NAV3: variants seen among roughly 807,000 people sequenced by gnomAD.
NAV3 encodes the protein pore membrane and/or filament interacting like protein 1.
NAV3 carries 87 observed loss-of-function variants against 244.7 expected under a neutral mutation model. The ratio of observed to expected loss-of-function variants is 0.36; its 90% CI spans 0.30 to 0.42. The LOEUF is 0.42. Ranked by LOEUF, NAV3 falls within the 20% of genes least tolerant of loss-of-function variation. The pLI is 1.00. For synonymous variants in NAV3, 1,126 were observed against 1,042.2 expected, an observed-to-expected ratio of 1.08 and a Z score of -1.55; for missense variants, 2,663 against 2,893.3, an observed-to-expected ratio of 0.92 and a Z score of 1.83.
At chr12:78,123,884 G>GT (rs1467759584) in intron 16 of NAV3, among the ~76,000 whole-genome samples, 13 of 152,048 alleles carry the variant, frequency 8.5e-5, no homozygotes, top group South Asian at 8.3e-4. Context: ...TTTGATTCTA[G>GT]TTTCAGCACT....
chr12:77,719,533 A>T (rs1299501476), intron 2 of NAV3, among the ~76,000 whole-genome samples: 1 of 152,034 alleles, frequency 6.6e-6, no homozygotes, highest in Admixed American at 6.6e-5. Context: ...AATTTTGTCA[A>T]ATGATTTTTC....
At chr12:77,620,596 G>A (rs1199732403) in intron 2 of NAV3, among the ~76,000 whole-genome samples, 1 of 151,926 alleles carries the variant, frequency 6.6e-6, no homozygotes, top group African/African-American at 2.4e-5. Context: ...TGAGTAGCTG[G>A]GATTACAGGA....
At position 78,179,696 on chromosome 12, in the gene NAV3, C is replaced by A; in HGVS notation, c.5517+14C>A. ...AACCGGATGCAGGTTGGTACTGAAG[C>A]ACTTTCAAGGAATAAAATGGAGAAA... is the stretch of plus-strand genomic sequence containing the variant. On this transcript the variant is annotated intron_variant, in intron 29 of 39. Transcript: ENST00000397909. 2.5e-6 allele frequency: 4 copies of A among 1,599,316 alleles called. No individual in the cohort carries two copies. Among genetic ancestry groups the A allele is most frequent in the Non-Finnish European group, 3.4e-6 (4 of 1,172,818 alleles).
At chr12:77,581,246 A>C (rs1869351944) in intron 2 of NAV3, among the ~76,000 whole-genome samples, 1 of 152,168 alleles carries the variant, frequency 6.6e-6, no homozygotes, top group African/African-American at 2.4e-5. Context: ...TAAGTATTTT[A>C]TATATTCAAT....
At chr12:77,579,033 C>T (rs2136668626) in intron 2 of NAV3, among the ~76,000 whole-genome samples, 1 of 152,116 alleles carries the variant, frequency 6.6e-6, no homozygotes, top group Non-Finnish European at 1.5e-5. Context: ...TGTGAGGAAG[C>T]TATATATACA....
In NAV3 at chr12:77,832,481, A is replaced by G. The variant is rs984665185; in HGVS notation, c.243+777A>G. Among the ~76,000 whole-genome samples the G allele has an allele frequency of 3.9e-5, 6 of 152,146 alleles. No homozygotes were observed. In the South Asian group the frequency reaches 1.0e-3, roughly 26 times the overall value. ...TGTGCATTTTTACTTTTATTGGTAC[A>G]TATTAGGTGTATATATTTATGGGTA... On this transcript the variant is annotated intron_variant, in intron 1 of 39. Transcript: ENST00000397909.
At chr12:78,209,760 T>A (rs1245496702) in intron 39 of NAV3, among the ~76,000 whole-genome samples, 1 of 152,146 alleles carries the variant, frequency 6.6e-6, no homozygotes, top group African/African-American at 2.4e-5. Context: ...CAGATGATAG[T>A]TTTTGTTTTC....
At chr12:78,187,359 TTC>T (rs1958767667) in intron 31 of NAV3, among the ~76,000 whole-genome samples, 2 of 151,890 alleles carry the variant, frequency 1.3e-5, no homozygotes. Flanking sequence ...TCAGTGATTA[TTC>T]TACCACCCGT....
intron 2 of NAV3, among the ~76,000 whole-genome samples, chr12:77,678,626 A>C (rs1333465996): frequency 6.6e-6 from 1 of 152,162 alleles, no homozygotes; most frequent in East Asian, 1.9e-4. Flanking sequence ...GCATAGCTTC[A>C]AATTTCTAAT....
At chr12:77,686,968 C>T (rs903366376) in intron 2 of NAV3, among the ~76,000 whole-genome samples, 7 of 152,040 alleles carry the variant, frequency 4.6e-5, no homozygotes, top group African/African-American at 1.7e-4. Flanking sequence ...TGCTGCCTCT[C>T]GGTGGGGTCT....
intron 2 of NAV3, among the ~76,000 whole-genome samples, chr12:77,661,991 C>T (rs1232675700): frequency 6.6e-6 from 1 of 151,150 alleles, no homozygotes; most frequent in Non-Finnish European, 1.5e-5. Context: ...AATCCTCCAC[C>T]TTTGACTTTC....
At chr12:78,186,642 T>C (rs899862136) in intron 31 of NAV3, among the ~76,000 whole-genome samples, 1 of 151,324 alleles carries the variant, frequency 6.6e-6, no homozygotes, top group South Asian at 2.1e-4. Context: ...AAATAAGATT[T>C]CCTGTTCACA....
Position 77,576,653 on chromosome 12 carries a change from G to T in NAV3, c.72+4387G>T, listed in dbSNP as rs142314200. ...AATAACATCATATACAAGTCAAAAA[G>T]TGTTCTTCAGATTATTCTTGCAGGT... On this transcript the variant is annotated intron_variant, in intron 2 of 8. Coordinates refer to the NAV3 transcript ENST00000550042. Among the ~76,000 whole-genome samples, 1,356 of 152,168 alleles carry T rather than the reference G, an allele frequency of 8.9e-3. 14 individuals carry two copies. Among genetic ancestry groups the T allele is most frequent in the Non-Finnish European group, 0.015 (1,015 of 67,972 alleles).
At chr12:78,092,430 G>T (rs1246711975) in intron 12 of NAV3, among the ~76,000 whole-genome samples, 3 of 148,854 alleles carry the variant, frequency 2.0e-5, no homozygotes, top group African/African-American at 7.4e-5. Context: ...ACTTAGAATG[G>T]TAATATTTTT....
intron 12 of NAV3, among the ~76,000 whole-genome samples, chr12:78,092,989 C>T (rs995816820): frequency 2.0e-5 from 3 of 152,136 alleles, no homozygotes; most frequent in Admixed American, 6.5e-5. Context: ...GGGAAACACG[C>T]CAAACCATGT....
In NAV3 at chr12:77,623,000, T is replaced by C. The variant is rs931508931; in HGVS notation, c.72+50734T>C. ...TCAGTAATACCTGTAATACAATCTT[T>C]TGTTAGACAGTGTCACATTAGAAAG... On this transcript the variant is annotated intron_variant, in intron 2 of 8. Transcript: ENST00000550042. Among the ~76,000 whole-genome samples, 9 of 152,166 alleles carry C rather than the reference T, an allele frequency of 5.9e-5. No individual in the cohort carries two copies. The South Asian group carries it at 8.3e-4, about 14-fold the overall frequency.
At chr12:78,020,884 A>G (rs1242823244) in intron 8 of NAV3, among the ~76,000 whole-genome samples, 1 of 152,164 alleles carries the variant, frequency 6.6e-6, no homozygotes, top group Non-Finnish European at 1.5e-5. Context: ...AGATGTCTCT[A>G]AAGAACACAG....
At chr12:77,921,301 G>A (rs1920428) in intron 1 of NAV3, among the ~76,000 whole-genome samples, 62,883 of 151,720 alleles carry the variant, frequency 0.41, 14,097 homozygotes, top group African/African-American at 0.6. Flanking sequence ...CTCAGTTAAG[G>A]CAATACCGAC....
At chr12:77,772,468 T>C (rs1236420356) in intron 2 of NAV3, among the ~76,000 whole-genome samples, 1 of 152,192 alleles carries the variant, frequency 6.6e-6, no homozygotes, top group East Asian at 1.9e-4. Context: ...GATAAAAAAT[T>C]CATGCTCAGA....
Sources: allele counts gnomAD v4.1 joint callset (sites outside exome capture counted in the v4.1 genomes callset), GRCh38; gene constraint gnomAD v4.1.1; transcripts MANE v1.5; gene names NCBI Gene and HGNC (gene_info 2026-07-23, HGNC 2026-07-21).